The following GLYATL3 variants were observed in gnomAD, a reference collection of about 807,000 sequenced individuals.
GLYATL3 encodes glycine N-acyltransferase-like protein 3.
GLYATL3 carries 31 observed loss-of-function variants against 28.5 expected under a neutral mutation model. That is an observed-to-expected ratio of 1.09 (90% CI 0.82 to 1.47). The LOEUF is 1.47. Among genes scored for constraint, GLYATL3 ranks in the 40% most tolerant of loss-of-function variants. The probability of loss-of-function intolerance (pLI) is 0.00; values close to 1 mark genes in which losing one functional copy is unlikely to be tolerated. For missense variants in GLYATL3, 369 were observed against 351.5 expected, an observed-to-expected ratio of 1.05 and a Z score of -0.40; for synonymous variants, 141 against 140.2, an observed-to-expected ratio of 1.01 and a Z score of -0.04.
At chr6:49,507,840 T>A (rs1769040802) in intron 1 of GLYATL3, among the ~76,000 whole-genome samples, 4 of 152,180 alleles carry the variant, frequency 2.6e-5, no homozygotes, top group Admixed American at 2.6e-4. Flanking sequence ...ACCAATGCAC[T>A]GAATATACCA....
intron 1 of GLYATL3, among the ~76,000 whole-genome samples, chr6:49,505,101 ATGAG>A (rs1001335567): frequency 6.6e-6 from 1 of 152,208 alleles, no homozygotes; most frequent in Non-Finnish European, 1.5e-5. Flanking sequence ...AGGCATTAGT[ATGAG>A]TGAGTTGATG....
chr6:49,519,189 C>CTATA (rs531916029), intron 4 of GLYATL3, among the ~76,000 whole-genome samples: 1 of 152,048 alleles, frequency 6.6e-6, no homozygotes, highest in Non-Finnish European at 1.5e-5. Flanking sequence ...TGCTAGAGGC[C>CTATA]TATTATCACT....
At chr6:49,518,195 G>A (rs1451404690) in intron 4 of GLYATL3, among the ~76,000 whole-genome samples, 2 of 152,052 alleles carry the variant, frequency 1.3e-5, no homozygotes, top group African/African-American at 2.4e-5. Flanking sequence ...TTTTGTTGTT[G>A]TTGTTGTTGT....
chr6:49,511,689 G>A (rs1769124933), intron 1 of GLYATL3, among the ~76,000 whole-genome samples: 1 of 152,148 alleles, frequency 6.6e-6, no homozygotes, highest in Non-Finnish European at 1.5e-5. Flanking sequence ...TGTTATACAT[G>A]CTCTGAAGAC....
intron 3 of GLYATL3, among the ~76,000 whole-genome samples, chr6:49,517,004 A>C (rs1326289439): frequency 6.6e-6 from 1 of 150,962 alleles, no homozygotes; most frequent in Non-Finnish European, 1.5e-5. Flanking sequence ...AAAAATACAA[A>C]AAATAGCTGG....
chr6:49,519,248 A>G (rs1180806125), intron 4 of GLYATL3, among the ~76,000 whole-genome samples: 1 of 150,482 alleles, frequency 6.6e-6, no homozygotes, highest in Non-Finnish European at 1.5e-5. Flanking sequence ...ATAATTTCCA[A>G]TATCTTTTTC....
intron 5 of GLYATL3, among the ~76,000 whole-genome samples, chr6:49,524,415 T>C (rs1425467257): frequency 2.6e-5 from 4 of 152,230 alleles, no homozygotes; most frequent in African/African-American, 4.8e-5. Context: ...GGGGATAGTC[T>C]TATGATATTA....
chr6:49,527,109 G>T lies in GLYATL3; in HGVS notation c.*195G>T. Reference sequence around the variant, plus strand: ...GGTTTCTCCAGTAAATAGCTGTGGGGGTGAAGAGTAGCTGTGGCTGAAGAC... The same window carrying T: ...GGTTTCTCCAGTAAATAGCTGTGGGTGTGAAGAGTAGCTGTGGCTGAAGAC... On this transcript the variant is annotated 3_prime_UTR_variant, in exon 6 of 6. Transcript: ENST00000371197. The T allele has an allele frequency of 5.5e-6, 3 of 541,950 alleles. No homozygotes were observed. Among genetic ancestry groups the T allele is most frequent in the East Asian group, 2.9e-5 (1 of 34,422 alleles). 33.6% of individuals were successfully genotyped at this position (541,950 alleles called of 1,614,324 possible).
At chr6:49,501,303 G>A (rs867193977) in intron 1 of GLYATL3, among the ~76,000 whole-genome samples, 10 of 152,274 alleles carry the variant, frequency 6.6e-5, no homozygotes, top group Admixed American at 4.6e-4. Context: ...CCAGCAGCCC[G>A]CAATGCAACG....
rs1166844830 is a variant in GLYATL3 at position 49,526,712 on chromosome 6, G to T, written c.665G>T (p.Arg222Leu). 4.5e-6 allele frequency: 7 copies of T among 1,551,738 alleles called. 1 individual carries two copies. In the South Asian group the frequency reaches 5.9e-5, roughly 13 times the overall value. The part of the protein sequence containing the change: ...MCHGYTLPEH[R>L]RKGYSRLVAL... ...CATGGCTACACCCTGCCAGAACATCGCAGGAAAGGTTACAGCCGGCTGGTG... is the reference window on the plus strand; with the variant it reads ...CATGGCTACACCCTGCCAGAACATCTCAGGAAAGGTTACAGCCGGCTGGTG... The change falls in exon 6 of 6, where the codon CGC becomes CTC. Residue 222 changes from arginine (R) to leucine (L), a missense_variant. Arg to Leu is a moderately radical substitution (Grantham distance 102, BLOSUM62 -2). Transcript: ENST00000371197.
At chr6:49,521,821 G>C in intron 5 of GLYATL3, 50 bp downstream of exon 5, 1 of 1,496,706 alleles carries the variant, frequency 6.7e-7, no homozygotes, top group Non-Finnish European at 9.0e-7. Context: ...TGCTATAGAA[G>C]TACACGTAGC....
chr6:49,523,000 C>A (rs2127239620), intron 5 of GLYATL3, among the ~76,000 whole-genome samples: 2 of 151,914 alleles, frequency 1.3e-5, no homozygotes. Flanking sequence ...AAAAAAAACA[C>A]CCACTATACG....
In GLYATL3 at chr6:49,513,148, G is replaced by A. The variant is rs1421614177; in HGVS notation, c.78+1080G>A. Among the ~76,000 whole-genome samples the A allele has an allele frequency of 1.3e-5, 2 of 152,118 alleles. 1 individual carries two copies. The highest frequency in any genetic ancestry group is 4.8e-5 in the African/African-American group (2 of 41,436). ...TGACCTTTACAGGATAATAAAAGGT[G>A]TTAGAGAATTAAAATATTAAAGAAA... On this transcript the variant is annotated intron_variant, in intron 2 of 5. Coordinates refer to ENST00000371197, the MANE Select transcript of GLYATL3 (RefSeq NM_001010904.2).
Position 49,517,453 on chromosome 6 carries a change from T to C in GLYATL3, c.210T>C (p.His70=). 6.5e-7 allele frequency: 1 copy of C among 1,545,406 alleles called. No individual in the cohort carries two copies. Among genetic ancestry groups the C allele is most frequent in the Non-Finnish European group, 8.7e-7 (1 of 1,143,738 alleles). The change falls in exon 4 of 6, where the codon CAT becomes CAC. Residue 70 remains histidine (H), a synonymous_variant. Coordinates refer to ENST00000371197, the MANE Select transcript of GLYATL3 (RefSeq NM_001010904.2). ...QREAETDNLD[H]YTNAYAVFYK... ...AGGCTGAGACAGATAACCTTGATCA[T>C]TATACTAATGCCTATGCTGTGTTCT...
chr6:49,520,928 A>G (rs925023997), intron 4 of GLYATL3, among the ~76,000 whole-genome samples: 1 of 152,198 alleles, frequency 6.6e-6, no homozygotes, highest in Non-Finnish European at 1.5e-5. Context: ...AAAGAGGGGG[A>G]TCATTTGAGC....
At chr6:49,501,772 A>G (rs1768917547) in intron 1 of GLYATL3, among the ~76,000 whole-genome samples, 1 of 152,210 alleles carries the variant, frequency 6.6e-6, no homozygotes. Flanking sequence ...CTTAACCCTA[A>G]AGAGGCCTAG....
intron 1 of GLYATL3, among the ~76,000 whole-genome samples, chr6:49,507,173 G>A (rs959251088): frequency 6.6e-6 from 1 of 152,040 alleles, no homozygotes; most frequent in Non-Finnish European, 1.5e-5. Context: ...CTAGTAGGGG[G>A]GTCAGCTACC....
intron 1 of GLYATL3, among the ~76,000 whole-genome samples, chr6:49,501,850 T>A (rs1768919006): frequency 6.6e-6 from 1 of 152,192 alleles, no homozygotes; most frequent in African/African-American, 2.4e-5. Context: ...CCCTCATTCG[T>A]CCATTTATAG....
chr6:49,518,991 A>G (rs2498472), intron 4 of GLYATL3, among the ~76,000 whole-genome samples: 70,660 of 151,932 alleles, frequency 0.47, 17,273 homozygotes, highest in East Asian at 0.62. Context: ...ACCTTATGCA[A>G]GAAGCTCTAA....
Sources: gnomAD v4.1 joint callset for allele counts (sites outside exome capture counted in the v4.1 genomes callset) on GRCh38, gnomAD v4.1.1 for gene constraint, MANE v1.5 for transcripts, NCBI Gene and HGNC (gene_info 2026-07-23, HGNC 2026-07-21) for gene names.